Variants in CCSER1 observed in about 807,000 individuals in gnomAD.
The protein encoded by CCSER1 is serine-rich coiled-coil domain-containing protein 1.
In CCSER1, 41 loss-of-function variants were observed where a neutral mutation model predicts 82.0. The observed-to-expected ratio is 0.50, with a 90% CI of 0.39 to 0.65. The LOEUF is 0.65. Ranked by LOEUF, CCSER1 falls within the 30% of genes least tolerant of loss-of-function variation. The probability of loss-of-function intolerance (pLI) is 0.00; values close to 1 mark genes in which losing one functional copy is unlikely to be tolerated. For synonymous variants in CCSER1, 414 were observed against 383.9 expected (o/e 1.08, Z -0.92); for missense variants, 1,119 against 1,064.2 (o/e 1.05, Z -0.72).
chr4:91,251,617 A>C (rs1740267764), intron 10 of CCSER1, among the ~76,000 whole-genome samples: 1 of 152,308 alleles, frequency 6.6e-6, no homozygotes, highest in South Asian at 2.1e-4. Flanking sequence ...TTCTCACATA[A>C]CAGTTTAGTA....
chr4:91,137,755 A>T (rs576202737), intron 10 of CCSER1, among the ~76,000 whole-genome samples: 2 of 152,246 alleles, frequency 1.3e-5, no homozygotes, highest in East Asian at 3.9e-4. Context: ...CACAAAATCA[A>T]TGTACAAAAA....
At chr4:90,784,792 G>T (rs551465949) in intron 7 of CCSER1, among the ~76,000 whole-genome samples, 1 of 152,032 alleles carries the variant, frequency 6.6e-6, no homozygotes, top group African/African-American at 2.4e-5. Flanking sequence ...ACATAAACAT[G>T]GTTGATTAAC....
chr4:90,526,849 T>C lies in CCSER1; in HGVS notation c.1724+58495T>C, dbSNP rs540069172. 4.6e-5 allele frequency among the ~76,000 whole-genome samples: 7 copies of C among 152,294 alleles called. No individual in the cohort carries two copies. In the East Asian group the frequency reaches 1.4e-3, roughly 29 times the overall value. On this transcript the variant is annotated intron_variant, in intron 5 of 10. Transcript: ENST00000509176. ...ATAAACATACGTGTGCATGTGTCTT[T>C]ATAGGAGAATGATTTATAGTCCTTT...
Position 91,296,228 on chromosome 4 carries a change from C to CA in CCSER1, c.2217+210241dup, listed in dbSNP as rs538636524. Among the ~76,000 whole-genome samples, 25 of 150,680 alleles carry CA rather than the reference C, an allele frequency of 1.7e-4. No homozygotes were observed. The South Asian group carries it at 4.4e-3, about 26-fold the overall frequency. Reference sequence around the variant, plus strand: ...GAATGTGGCTTAAGTTTCTGGCAGCCAAAAAAAGAGAAAGCTCATTTTATT... The same window carrying CA: ...GAATGTGGCTTAAGTTTCTGGCAGCCAAAAAAAAGAGAAAGCTCATTTTATT... On this transcript the variant is annotated intron_variant, in intron 10 of 10. Coordinates refer to ENST00000509176, the MANE Select transcript of CCSER1 (RefSeq NM_001145065.2).
chr4:91,139,313 G>C (rs1009873491), intron 10 of CCSER1, among the ~76,000 whole-genome samples: 1 of 151,920 alleles, frequency 6.6e-6, no homozygotes, highest in African/African-American at 2.4e-5. Flanking sequence ...AAACTAGATT[G>C]GTTCCCTATC....
intron 4 of CCSER1, among the ~76,000 whole-genome samples, chr4:90,431,939 G>A (rs775089945): frequency 6.6e-6 from 1 of 151,974 alleles, no homozygotes. Flanking sequence ...CACTAATGCT[G>A]GCAAACTCTG....
chr4:91,260,311 A>T (rs1401020588), intron 10 of CCSER1, among the ~76,000 whole-genome samples: 2 of 152,192 alleles, frequency 1.3e-5, no homozygotes, highest in African/African-American at 4.8e-5. Context: ...ATATACACAT[A>T]CACACCCATG....
intron 1 of CCSER1, among the ~76,000 whole-genome samples, chr4:90,227,973 C>A (rs529271102): frequency 1.3e-5 from 2 of 152,302 alleles, no homozygotes; most frequent in African/African-American, 4.8e-5. Context: ...GAGGGTCCTA[C>A]GCCCATGGAG....
rs75252281 is a variant in CCSER1 at position 91,138,463 on chromosome 4, A to C, written c.2217+52469A>C. On this transcript the variant is annotated intron_variant, in intron 10 of 10. Transcript: ENST00000509176. ...AGGTGGATTAAAGATTTAAACGTTA[A>C]ACCTAAAACCATAAAAACCCTAGAA... Among the ~76,000 whole-genome samples the C allele has an allele frequency of 5.7e-4, 17 of 29,924 alleles. 2 individuals carry two copies. The highest frequency in any genetic ancestry group is 8.0e-5 in the Non-Finnish European group (1 of 12,500). 19.6% of individuals were successfully genotyped at this position (29,924 alleles called of 152,430 possible).
chr4:91,440,403 T>G (rs577066747), intron 10 of CCSER1, among the ~76,000 whole-genome samples: 1 of 152,302 alleles, frequency 6.6e-6, no homozygotes, highest in African/African-American at 2.4e-5. Context: ...AATAAAGATG[T>G]TCTTTGAAAC....
Position 90,968,172 on chromosome 4 carries a change from G to T in CCSER1, c.2172+44725G>T, listed in dbSNP as rs554378627. Among the ~76,000 whole-genome samples the T allele has an allele frequency of 1.1e-4, 17 of 151,392 alleles. No homozygotes were observed. The South Asian group carries it at 1.3e-3, about 11-fold the overall frequency. ...GAAAGATAGGCTCACAGACACCAGA[G>T]AACAGAACTTAAAATAATATGTTAA... On this transcript the variant is annotated intron_variant, in intron 9 of 10. Coordinates refer to ENST00000509176, the MANE Select transcript of CCSER1 (RefSeq NM_001145065.2).
At chr4:91,004,071 G>T (rs1488637881) in intron 9 of CCSER1, among the ~76,000 whole-genome samples, 1 of 152,180 alleles carries the variant, frequency 6.6e-6, no homozygotes, top group Non-Finnish European at 1.5e-5. Flanking sequence ...ACATTATTTG[G>T]GGTGTCTCCC....
intron 3 of CCSER1, among the ~76,000 whole-genome samples, chr4:90,377,354 T>G (rs1043070311): frequency 5.9e-5 from 9 of 152,192 alleles, no homozygotes; most frequent in South Asian, 2.1e-4. Context: ...TTACTGAAAT[T>G]TAGCTCCATA....
chr4:91,245,040 G>A (rs1739653377), intron 10 of CCSER1, among the ~76,000 whole-genome samples: 1 of 151,910 alleles, frequency 6.6e-6, no homozygotes, highest in Non-Finnish European at 1.5e-5. Context: ...TGATCAAGCA[G>A]AAGAAAGAAT....
intron 10 of CCSER1, among the ~76,000 whole-genome samples, chr4:91,145,489 C>A (rs892112895): frequency 6.6e-6 from 1 of 152,036 alleles, no homozygotes; most frequent in African/African-American, 2.4e-5. Context: ...TTTGATCCTG[C>A]TGTCGTGTTG....
intron 8 of CCSER1, among the ~76,000 whole-genome samples, chr4:90,826,944 TG>T (rs1053537298): frequency 1.3e-5 from 2 of 152,052 alleles, no homozygotes; most frequent in Non-Finnish European, 2.9e-5. Context: ...CCCCCAGAAG[TG>T]GGGGGTCTTT....
At chr4:90,279,218 A>G (rs1728462317) in intron 1 of CCSER1, among the ~76,000 whole-genome samples, 2 of 152,040 alleles carry the variant, frequency 1.3e-5, no homozygotes, top group South Asian at 4.1e-4. Flanking sequence ...ATAAAACTTA[A>G]TTAATATACA....
intron 3 of CCSER1, among the ~76,000 whole-genome samples, chr4:90,349,930 C>T (rs1743126985): frequency 6.6e-6 from 1 of 152,024 alleles, no homozygotes. Flanking sequence ...TGTCATAACC[C>T]AAAGTGCATA....
chr4:90,608,705 T>G (rs149934439), intron 5 of CCSER1, among the ~76,000 whole-genome samples: 52 of 152,334 alleles, frequency 3.4e-4, no homozygotes, highest in Non-Finnish European at 2.9e-5. Flanking sequence ...ATTAAACTCC[T>G]AATATGTATA....
Sources: gnomAD v4.1 joint callset for allele counts (sites outside exome capture counted in the v4.1 genomes callset) on GRCh38, gnomAD v4.1.1 for gene constraint, MANE v1.5 for transcripts, NCBI Gene and HGNC (gene_info 2026-07-23, HGNC 2026-07-21) for gene names.